Variants in FBP1 observed in about 807,000 individuals in gnomAD.
FBP1 encodes fructose-bisphosphatase 1.
Under a neutral mutation model 29.9 loss-of-function variants are expected in FBP1, and 22 were observed. The ratio of observed to expected loss-of-function variants is 0.74; its 90% CI spans 0.53 to 1.05. FBP1 has a LOEUF of 1.05. Among genes scored for constraint, FBP1 ranks in the 50% least tolerant of loss-of-function variants. The pLI, the probability that FBP1 is intolerant of heterozygous loss-of-function variation, is 0.00. For synonymous variants in FBP1, 175 were observed against 178.6 expected, an observed-to-expected ratio of 0.98 and a Z score of 0.16; for missense variants, 345 against 448.2, an observed-to-expected ratio of 0.77 and a Z score of 2.08.
chr9:94,608,383 A>G (rs1827732786), intron 4 of FBP1, among the ~76,000 whole-genome samples: 1 of 152,214 alleles, frequency 6.6e-6, no homozygotes, highest in Non-Finnish European at 1.5e-5. Flanking sequence ...AAAGACTATC[A>G]AACACACAGA....
At chr9:94,637,359 A>C (rs1828206863) in intron 1 of FBP1, among the ~76,000 whole-genome samples, 2 of 150,864 alleles carry the variant, frequency 1.3e-5, no homozygotes, top group African/African-American at 4.9e-5. Context: ...CCCAAGTAGC[A>C]GGGTTGTATT....
intron 4 of FBP1, among the ~76,000 whole-genome samples, chr9:94,608,379 T>C (rs1827732594): frequency 6.6e-6 from 1 of 152,154 alleles, no homozygotes; most frequent in African/African-American, 2.4e-5. Flanking sequence ...GGCAAAAGAC[T>C]ATCAAACACA....
In FBP1 at chr9:94,639,211, G is replaced by A; in HGVS notation, c.100C>T (p.Leu34=). 6.2e-7 allele frequency: 1 copy of A among 1,602,592 alleles called. No individual in the cohort carries two copies. The highest frequency in any genetic ancestry group is 8.5e-7 in the Non-Finnish European group (1 of 1,175,002). Residue 34 remains leucine (L), a synonymous_variant, in exon 1 of 7, where the codon CTG becomes TTG. Transcript: ENST00000375326. ...KARGTGELTQ[L]LNSLCTAVKA... is the part of the protein sequence containing the mutation. ...ACTGCTGTGCAGAGCGAGTTGAGCA[G>A]CTGGGTCAACTCGCCCGTGCCGCGG...
At chr9:94,630,578 G>T (rs1006561709) in intron 1 of FBP1, among the ~76,000 whole-genome samples, 16 of 152,200 alleles carry the variant, frequency 1.1e-4, no homozygotes, top group African/African-American at 3.4e-4. Context: ...TGGGAATGTA[G>T]TGTGTCTGCT....
At chr9:94,630,844 G>A (rs1231431043) in intron 1 of FBP1, among the ~76,000 whole-genome samples, 4 of 152,094 alleles carry the variant, frequency 2.6e-5, no homozygotes, top group African/African-American at 9.7e-5. Context: ...ATGTTTGTGG[G>A]GATCATGGAT....
intron 2 of FBP1, among the ~76,000 whole-genome samples, chr9:94,618,616 G>A (rs1827898599): frequency 6.6e-6 from 1 of 152,090 alleles, no homozygotes; most frequent in African/African-American, 2.4e-5. Context: ...TCCAGTCTGG[G>A]TGACAGAATG....
chr9:94,638,099 A>AG (rs917306879), intron 1 of FBP1, among the ~76,000 whole-genome samples: 8 of 86,464 alleles, frequency 9.3e-5, no homozygotes, highest in African/African-American at 2.2e-4. Flanking sequence ...AAAAAAAAAA[A>AG]AAAAGAAAAG....
intron 1 of FBP1, among the ~76,000 whole-genome samples, chr9:94,635,503 G>A (rs1828178762): frequency 6.6e-6 from 1 of 152,200 alleles, no homozygotes; most frequent in Admixed American, 6.5e-5. Flanking sequence ...GTCCCTCTGG[G>A]TACATGCTCT....
At chr9:94,608,432 A>C (rs1227689387) in intron 4 of FBP1, among the ~76,000 whole-genome samples, 1 of 152,208 alleles carries the variant, frequency 6.6e-6, no homozygotes, top group East Asian at 1.9e-4. Context: ...ATCTGGAAAC[A>C]AGAAGGGATT....
At chr9:94,634,231 T>C (rs1587868220) in intron 1 of FBP1, among the ~76,000 whole-genome samples, 2 of 149,868 alleles carry the variant, frequency 1.3e-5, no homozygotes, top group South Asian at 4.2e-4. Context: ...GAGGCGGAGG[T>C]TGCAGTGAGC....
rs936029299 is a variant in FBP1, at chr9:94,603,223, G to A, written c.*158C>T. The A allele has an allele frequency of 1.0e-5, 7 of 694,540 alleles. No individual in the cohort carries two copies. The African/African-American group carries it at 1.1e-4, about 10-fold the overall frequency. The allele number at this position is 694,540 out of a possible 1,614,324, so 43.0% of individuals were successfully genotyped here. On this transcript the variant is annotated 3_prime_UTR_variant, in exon 7 of 7. Coordinates refer to ENST00000375326, the MANE Select transcript of FBP1 (RefSeq NM_000507.4). Reference sequence around the variant, plus strand: ...GCATTATGGAGACAGCATTTGGTTAGGGAGTGCCAAGCATTCTACAGCATT... The same window carrying A: ...GCATTATGGAGACAGCATTTGGTTAAGGAGTGCCAAGCATTCTACAGCATT...
At chr9:94,629,295 T>A (rs1178672776) in intron 1 of FBP1, among the ~76,000 whole-genome samples, 1 of 152,092 alleles carries the variant, frequency 6.6e-6, no homozygotes, top group Non-Finnish European at 1.5e-5. Context: ...TTTTTTTTAA[T>A]ATAGAAAAAG....
intron 1 of FBP1, among the ~76,000 whole-genome samples, chr9:94,633,629 C>T (rs1828143617): frequency 2.0e-5 from 3 of 152,188 alleles, no homozygotes; most frequent in Admixed American, 1.3e-4. Context: ...GGGCCTTTTG[C>T]TTCCCCTGCA....
chr9:94,626,120 T>C (rs1157304549), intron 1 of FBP1, among the ~76,000 whole-genome samples: 3 of 152,196 alleles, frequency 2.0e-5, no homozygotes, highest in Non-Finnish European at 4.4e-5. Flanking sequence ...GTCCTTCCCC[T>C]CTTCTAGCAG....
At chr9:94,631,483 G>A (rs1227157985) in intron 1 of FBP1, among the ~76,000 whole-genome samples, 1 of 152,202 alleles carries the variant, frequency 6.6e-6, no homozygotes, top group Non-Finnish European at 1.5e-5. Flanking sequence ...TCACAGCCAT[G>A]GACTTTGTGA....
chr9:94,626,875 G>A (rs1828032872), intron 1 of FBP1, among the ~76,000 whole-genome samples: 1 of 152,034 alleles, frequency 6.6e-6, no homozygotes, highest in African/African-American at 2.4e-5. Flanking sequence ...CCAACATGGT[G>A]AAATCCCATC....
At chr9:94,630,813 CCT>C (rs28402411) in intron 1 of FBP1, among the ~76,000 whole-genome samples, 9,477 of 152,206 alleles carry the variant, frequency 0.062, 372 homozygotes, top group South Asian at 0.15. Flanking sequence ...GTGCAAAGCC[CCT>C]GAGTGGCTGT....
chr9:94,619,429 A>G (rs4574908), intron 2 of FBP1, among the ~76,000 whole-genome samples: 20,673 of 151,972 alleles, frequency 0.14, 2,012 homozygotes, highest in African/African-American at 0.26. Context: ...TTTTTTTCTA[A>G]TTACAATTGT....
intron 6 of FBP1, among the ~76,000 whole-genome samples, chr9:94,604,590 C>G (rs1042460107): frequency 1.3e-5 from 2 of 151,856 alleles, no homozygotes; most frequent in African/African-American, 4.8e-5. Context: ...TCAGGACCAG[C>G]CTGGTCAACA....
Sources: allele counts gnomAD v4.1 joint callset (sites outside exome capture counted in the v4.1 genomes callset), GRCh38; gene constraint gnomAD v4.1.1; transcripts MANE v1.5; gene names NCBI Gene and HGNC (gene_info 2026-07-23, HGNC 2026-07-21).